The following RAB37 variants were observed in gnomAD, a reference collection of about 807,000 sequenced individuals.
RAB37 encodes the protein RAB37, member RAS oncogene family, also known as ras-related protein Rab-37.
A neutral mutation model predicts 33.1 loss-of-function variants in RAB37; 29 were observed. The observed-to-expected ratio is 0.88, with a 90% CI of 0.65 to 1.20. The LOEUF (loss-of-function observed/expected upper bound fraction) is 1.20. Among genes scored for constraint, RAB37 ranks in the 50% most tolerant of loss-of-function variants. The probability of loss-of-function intolerance (pLI) is 0.00; values close to 1 mark genes in which losing one functional copy is unlikely to be tolerated. For synonymous variants in RAB37, 128 were observed against 119.5 expected (o/e 1.07, Z -0.47); for missense variants, 299 against 301.1 (o/e 0.99, Z 0.05).
intron 1 of RAB37, among the ~76,000 whole-genome samples, chr17:74,691,889 G>A (rs9916458): frequency 0.59 from 86,702 of 147,064 alleles, 30,239 homozygotes; most frequent in Middle Eastern, 0.78. Flanking sequence ...TTTTTGAGAC[G>A]GAGTCTTGCT....
intron 1 of RAB37, among the ~76,000 whole-genome samples, chr17:74,720,710 C>T (rs2034227762): frequency 6.6e-6 from 1 of 152,198 alleles, no homozygotes; most frequent in African/African-American, 2.4e-5. Context: ...ACACCCTGCC[C>T]TCTTGGTACA....
intron 1 of RAB37, among the ~76,000 whole-genome samples, chr17:74,692,709 G>A (rs985291006): frequency 2.0e-5 from 3 of 151,964 alleles, no homozygotes; most frequent in Non-Finnish European, 4.4e-5. Flanking sequence ...AGAGGACATC[G>A]TAGCCCCTCA....
Position 74,744,674 on chromosome 17 carries a change from T to A in RAB37, c.433-199T>A. On this transcript the variant is annotated intron_variant, in intron 6 of 8. Transcript: ENST00000392613. This position sits in a 1 kb window ranked among gnomAD's most constrained non-coding sequence, Gnocchi z 4.2. ...AGGGTTAGCCCCAACTGCTGTCCTA[T>A]TCCAAGACCCTTTACCAAAGGTGAG... 1 of 668,518 alleles carries A rather than the reference T, an allele frequency of 1.5e-6. No homozygotes were observed. Among genetic ancestry groups the A allele is most frequent in the Non-Finnish European group, 2.6e-6 (1 of 383,544 alleles). 41.4% of individuals were successfully genotyped at this position (668,518 alleles called of 1,614,324 possible).
Position 74,676,230 on chromosome 17 carries a change from T to G in RAB37, c.72+4572T>G, listed in dbSNP as rs1026188221. ...GACAAAAGGGCTTCAGTTCAAGCAC[T>G]TACTTCCTAATTCCCTATCACCAGG... On this transcript the variant is annotated intron_variant, in intron 1 of 7. Transcript: ENST00000340415. The surrounding 1 kb of genome is among the most constrained non-coding windows in gnomAD (Gnocchi z 4.1). Among the ~76,000 whole-genome samples, 3 of 152,098 alleles carry G rather than the reference T, an allele frequency of 2.0e-5. No individual in the cohort carries two copies. Among genetic ancestry groups the G allele is most frequent in the Non-Finnish European group, 4.4e-5 (3 of 68,026 alleles).
At chr17:74,719,311 A>G (rs1377422255) in intron 1 of RAB37, among the ~76,000 whole-genome samples, 1 of 152,112 alleles carries the variant, frequency 6.6e-6, no homozygotes, top group Non-Finnish European at 1.5e-5. Flanking sequence ...TTAGCTGGGC[A>G]CAGTGGCATG....
At chr17:74,704,219 G>T in intron 1 of RAB37, 2 of 408,790 alleles carry the variant, frequency 4.9e-6, no homozygotes, top group Non-Finnish European at 4.4e-6. Context: ...CCATCACCTT[G>T]TCCTCAGGCA....
intron 1 of RAB37, among the ~76,000 whole-genome samples, chr17:74,696,459 A>G (rs2032486505): frequency 6.6e-6 from 1 of 152,082 alleles, no homozygotes; most frequent in African/African-American, 2.4e-5. Flanking sequence ...TGCTCCCCAC[A>G]TCATAGAACT....
At position 74,676,836 on chromosome 17, in the gene RAB37, T is replaced by C. The variant is rs1218009652; in HGVS notation, c.72+5178T>C. 6.6e-6 allele frequency among the ~76,000 whole-genome samples: 1 copy of C among 152,152 alleles called. No individual in the cohort carries two copies. The highest frequency in any genetic ancestry group is 1.5e-5 in the Non-Finnish European group (1 of 68,024). ...GTCTGACTGAATTTGAAATGTCCTC[T>C]CTCACTTATGGCTTCTGATTAAAGT... On this transcript the variant is annotated intron_variant, in intron 1 of 7. Transcript: ENST00000340415. This position sits in a 1 kb window ranked among gnomAD's most constrained non-coding sequence, Gnocchi z 4.1.
At chr17:74,714,829 G>T (rs1212675930) in intron 1 of RAB37, among the ~76,000 whole-genome samples, 1 of 152,090 alleles carries the variant, frequency 6.6e-6, no homozygotes, top group Non-Finnish European at 1.5e-5. Flanking sequence ...GGATATAAAA[G>T]GATTAGGAAG....
chr17:74,744,252 GAAGA>G lies in RAB37; in HGVS notation c.367-52_367-49del. Reference sequence around the variant, plus strand: ...CTGAGGATAGTCAAACGGAGCAGAAGAAGAAAGGGGCAGCAGGAGGAAGAGAATG... The same window carrying G: ...CTGAGGATAGTCAAACGGAGCAGAAGAAGGGGCAGCAGGAGGAAGAGAATG... On this transcript the variant is annotated intron_variant, in intron 5 of 8. Coordinates refer to ENST00000392613, the MANE Select transcript of RAB37 (RefSeq NM_001006638.3). The surrounding 1 kb of genome is among the most constrained non-coding windows in gnomAD (Gnocchi z 4.2). 5 of 1,536,088 alleles carry G rather than the reference GAAGA, an allele frequency of 3.3e-6. No individual in the cohort carries two copies. Among genetic ancestry groups the G allele is most frequent in the Non-Finnish European group, 4.5e-6 (5 of 1,117,224 alleles).
upstream of RAB37, among the ~76,000 whole-genome samples, chr17:74,732,349 G>T (rs2034394949): frequency 6.6e-6 from 1 of 151,600 alleles, no homozygotes; most frequent in Non-Finnish European, 1.5e-5. Context: ...TCTCTGCCCG[G>T]GTCTCCTTCC....
chr17:74,737,214 G>GGGGC, upstream of RAB37: 1 of 1,245,298 alleles, frequency 8.0e-7, no homozygotes. Flanking sequence ...CGGGGGTGGG[G>GGGGC]CCGTTCCTGC....
At position 74,745,052 on chromosome 17, in the gene RAB37, GAATGT is replaced by G; in HGVS notation, c.535_539del (p.Asn179GlyfsTer21). ...TGGAGACCAGCGCCAAGACTGGCATGAATGTGGAGTTAGCCTTTCTGGCCATCGCC... is the reference window on the plus strand; with the variant it reads ...TGGAGACCAGCGCCAAGACTGGCATGGGAGTTAGCCTTTCTGGCCATCGCC... On this transcript the variant is annotated frameshift_variant, in exon 8 of 9. Coordinates refer to ENST00000392613, the MANE Select transcript of RAB37 (RefSeq NM_001006638.3). LOFTEE classifies it high-confidence loss of function. This position sits in a 1 kb window ranked among gnomAD's most constrained non-coding sequence, Gnocchi z 4.5. 1 of 1,614,240 alleles carries G rather than the reference GAATGT, an allele frequency of 6.2e-7. No individual in the cohort carries two copies. Among genetic ancestry groups the G allele is most frequent in the Non-Finnish European group, 8.5e-7 (1 of 1,180,052 alleles).
chr17:74,718,876 A>G (rs1471713180), intron 1 of RAB37, among the ~76,000 whole-genome samples: 1 of 152,158 alleles, frequency 6.6e-6, no homozygotes, highest in Non-Finnish European at 1.5e-5. Context: ...ATGAAGGATC[A>G]CTCATGTATG....
chr17:74,694,960 C>T (rs1421752785), intron 1 of RAB37: 22 of 1,003,844 alleles, frequency 2.2e-5, no homozygotes, highest in Non-Finnish European at 3.0e-5. Context: ...CAACCCAGAG[C>T]TAGGGGCAAT....
chr17:74,708,742 CT>C (rs1178140280), intron 1 of RAB37, among the ~76,000 whole-genome samples: 3 of 152,074 alleles, frequency 2.0e-5, no homozygotes, highest in Admixed American at 6.6e-5. Context: ...CGGTGAAACC[CT>C]GTCTCTACTA....
At chr17:74,686,084 C>CA (rs2032049064) in intron 1 of RAB37, among the ~76,000 whole-genome samples, 1 of 152,076 alleles carries the variant, frequency 6.6e-6, no homozygotes, top group Admixed American at 6.5e-5. Context: ...CATTTGCCCT[C>CA]ATATCTTGTT....
At chr17:74,672,544 C>A (rs1463850080) in intron 1 of RAB37, among the ~76,000 whole-genome samples, 1 of 152,130 alleles carries the variant, frequency 6.6e-6, no homozygotes, top group Non-Finnish European at 1.5e-5. Flanking sequence ...TTGAAATAAC[C>A]TAACCCAACC....
At chr17:74,713,511 G>A (rs2034096729) in intron 1 of RAB37, among the ~76,000 whole-genome samples, 1 of 152,024 alleles carries the variant, frequency 6.6e-6, no homozygotes, top group Non-Finnish European at 1.5e-5. Flanking sequence ...GGTCTGGCCA[G>A]CCCTTATCCA....
Sources: gnomAD v4.1 joint callset for allele counts (sites outside exome capture counted in the v4.1 genomes callset) on GRCh38, gnomAD v4.1.1 for gene constraint, Gnocchi (gnomAD v3.1) non-coding constraint, MANE v1.5 for transcripts, NCBI Gene and HGNC (gene_info 2026-07-23, HGNC 2026-07-21) for gene names.